The following HIBCH variants were observed in gnomAD, a reference collection of about 807,000 sequenced individuals.
HIBCH encodes 3-hydroxyisobutyryl-CoA hydrolase.
HIBCH carries 50 observed loss-of-function variants against 58.2 expected under a neutral mutation model. The ratio of observed to expected loss-of-function variants is 0.86; its 90% CI spans 0.68 to 1.09. The LOEUF is 1.09. Among genes scored for constraint, HIBCH ranks in the 50% least tolerant of loss-of-function variants. The pLI is 0.00. For missense variants in HIBCH, 450 were observed against 449.7 expected, an observed-to-expected ratio of 1.00 and a Z score of -0.01; for synonymous variants, 151 against 146.9, an observed-to-expected ratio of 1.03 and a Z score of -0.20.
Position 190,304,101 on chromosome 2 carries a change from G to A in HIBCH, c.78+6653C>T, listed in dbSNP as rs1688341262. Among the ~76,000 whole-genome samples, 1 of 152,074 alleles carries A rather than the reference G, an allele frequency of 6.6e-6. No homozygotes were observed. The highest frequency in any genetic ancestry group is 2.4e-5 in the African/African-American group (1 of 41,414). The stretch of plus-strand genomic sequence containing the variant: ...TAGAGGAAACTAAAAAGCATGACAA[G>A]TGAATGCAGTGTCATTGATTTCTGG... On this transcript the variant is annotated intron_variant, in intron 2 of 13. Transcript: ENST00000359678. The surrounding 1 kb of genome is among the most constrained non-coding windows in gnomAD (Gnocchi z 4.1).
chr2:190,203,739 A>G (rs6737846), downstream of HIBCH, among the ~76,000 whole-genome samples: 47,811 of 151,966 alleles, frequency 0.31, 8,704 homozygotes, highest in East Asian at 0.48. Flanking sequence ...AATGCTTCAC[A>G]TAAAACAGAT....
chr2:190,278,862 T>G (rs1476283639), intron 6 of HIBCH, among the ~76,000 whole-genome samples: 1 of 151,990 alleles, frequency 6.6e-6, no homozygotes, highest in African/African-American at 2.4e-5. Flanking sequence ...AATTCTAAAG[T>G]GCCAACAAGG....
chr2:190,199,940 C>T (rs946230684), downstream of HIBCH: 1 of 1,614,054 alleles, frequency 6.2e-7, no homozygotes, highest in Admixed American at 1.7e-5. Context: ...AGTGAAGAAC[C>T]CTTTATGCCA....
At chr2:190,198,324 G>A (rs1292133023) in intron 1 of HIBCH, among the ~76,000 whole-genome samples, 1 of 152,134 alleles carries the variant, frequency 6.6e-6, no homozygotes, top group Non-Finnish European at 1.5e-5. Flanking sequence ...TGAATTAGAT[G>A]CACGCAAGCT....
rs1688411181 is a variant in HIBCH at position 190,306,523 on chromosome 2, ATGCAATAT to A, written c.78+4223_78+4230del. 6.6e-6 allele frequency among the ~76,000 whole-genome samples: 1 copy of A among 152,188 alleles called. No homozygotes were observed. The highest frequency in any genetic ancestry group is 6.5e-5 in the Admixed American group (1 of 15,276). On this transcript the variant is annotated intron_variant, in intron 2 of 13. Coordinates refer to ENST00000359678, the MANE Select transcript of HIBCH (RefSeq NM_014362.4). This position sits in a 1 kb window ranked among gnomAD's most constrained non-coding sequence, Gnocchi z 4.6. ...CAAATTGCATGACAGTTGTACTGTCATGCAATATACTGCATATGCAGGCACTCATATAG... is the reference window on the plus strand; with the variant it reads ...CAAATTGCATGACAGTTGTACTGTCAACTGCATATGCAGGCACTCATATAG...
At chr2:190,250,839 C>T (rs547209811) in intron 8 of HIBCH, among the ~76,000 whole-genome samples, 2 of 152,320 alleles carry the variant, frequency 1.3e-5, no homozygotes, top group Admixed American at 6.5e-5. Flanking sequence ...AAAATTTCCA[C>T]AGCCAATTTA....
In HIBCH at chr2:190,279,130, G is replaced by A. The variant is rs1687637736; in HGVS notation, c.438+8456C>T. Among the ~76,000 whole-genome samples the A allele has an allele frequency of 6.6e-6, 1 of 152,222 alleles. No individual in the cohort carries two copies. Among genetic ancestry groups the A allele is most frequent in the African/African-American group, 2.4e-5 (1 of 41,456 alleles). ...GAGCCCTGATCTGGTGAAGGGGCAA[G>A]AGCATGCCAAACTGGCTTTTAAAAC... On this transcript the variant is annotated intron_variant, in intron 6 of 13. Coordinates refer to ENST00000359678, the MANE Select transcript of HIBCH (RefSeq NM_014362.4). The surrounding 1 kb of genome is among the most constrained non-coding windows in gnomAD (Gnocchi z 4.2).
rs559524742 is a variant in HIBCH at position 190,293,166 on chromosome 2, A to G, written c.304+1380T>C. Among the ~76,000 whole-genome samples, 1,027 of 152,360 alleles carry G rather than the reference A, an allele frequency of 6.7e-3. 12 individuals carry two copies. Among genetic ancestry groups the G allele is most frequent in the African/African-American group, 0.022 (933 of 41,578 alleles). On this transcript the variant is annotated intron_variant, in intron 4 of 13. Coordinates refer to ENST00000359678, the MANE Select transcript of HIBCH (RefSeq NM_014362.4). ...ACGATCACAGGCCAGACGAAAGGCT[A>G]ATTCAAGGCTGAAAAACAGTATTTT... is the stretch of plus-strand genomic sequence containing the variant.
In HIBCH at chr2:190,244,905, A is replaced by G; in HGVS notation, c.873T>C (p.Phe291=). ...ATATTACCTTCAATTGCTCTAGGGC[A>G]AAAGATGAACCATCTTGCTGTAAGT... The part of the protein sequence containing the change: ...IENLQQDGSS[F]ALEQLKVINK... The change falls in exon 11 of 14, where the codon TTT becomes TTC. Residue 291 remains phenylalanine, a synonymous_variant. Coordinates refer to ENST00000359678, the MANE Select transcript of HIBCH (RefSeq NM_014362.4). The G allele has an allele frequency of 6.2e-7, 1 of 1,610,486 alleles. No homozygotes were observed. Among genetic ancestry groups the G allele is most frequent in the Non-Finnish European group, 8.5e-7 (1 of 1,176,642 alleles).
intron 2 of HIBCH, among the ~76,000 whole-genome samples, chr2:190,300,198 G>A (rs1575759695): frequency 1.3e-5 from 2 of 152,172 alleles, no homozygotes; most frequent in Non-Finnish European, 2.9e-5. Flanking sequence ...TGGAACTGCT[G>A]GGTCGAATGA....
At chr2:190,259,465 C>A (rs1687027836) in intron 7 of HIBCH, among the ~76,000 whole-genome samples, 1 of 151,790 alleles carries the variant, frequency 6.6e-6, no homozygotes, top group African/African-American at 2.4e-5. Context: ...CTCAAGCCAT[C>A]CTTTTATCTC....
chr2:190,199,655 G>T, downstream of HIBCH: 1 of 1,295,738 alleles, frequency 7.7e-7, no homozygotes, highest in Non-Finnish European at 1.0e-6. Flanking sequence ...ACACTATTTT[G>T]CATTCTGTAA....
rs1687700906 is a variant in HIBCH, at chr2:190,281,407, T to A, written c.438+6179A>T. 6.6e-6 allele frequency among the ~76,000 whole-genome samples: 1 copy of A among 152,128 alleles called. No homozygotes were observed. Among genetic ancestry groups the A allele is most frequent in the Non-Finnish European group, 1.5e-5 (1 of 68,026 alleles). ...ACTGAGGAGCACTGTGCTGGAATTC[T>A]GGGAGCAGAGGCCCAAGCAGCCCCG... is the stretch of plus-strand genomic sequence containing the variant. On this transcript the variant is annotated intron_variant, in intron 6 of 13. Coordinates refer to ENST00000359678, the MANE Select transcript of HIBCH (RefSeq NM_014362.4). The surrounding 1 kb of genome is among the most constrained non-coding windows in gnomAD (Gnocchi z 5.4).
At position 190,227,223 on chromosome 2, in the gene HIBCH, A is replaced by C. The variant is rs573366682; in HGVS notation, c.892-14148T>G. 6.0e-3 allele frequency among the ~76,000 whole-genome samples: 912 copies of C among 152,352 alleles called. 5 individuals are homozygous for C. The highest frequency in any genetic ancestry group is 0.021 in the African/African-American group (864 of 41,578). ...CCCAAACAGCATGGTACTGGTACCA[A>C]AACAGAGATATAGACCAATGGAACA... On this transcript the variant is annotated intron_variant, in intron 11 of 13. Coordinates refer to ENST00000359678, the MANE Select transcript of HIBCH (RefSeq NM_014362.4).
rs188614066 is a variant in HIBCH, at chr2:190,274,554, C to T, written c.438+13032G>A. Among the ~76,000 whole-genome samples the T allele has an allele frequency of 6.6e-3, 1,004 of 152,248 alleles. 9 individuals are homozygous for T. The highest frequency in any genetic ancestry group is 0.034 in the Middle Eastern group (10 of 292). Reference sequence around the variant, plus strand: ...CTTTAAAACTTAATTTTCTATTATTCATTGTGTGTGGTGGGGGAATTTTCC... The same window carrying T: ...CTTTAAAACTTAATTTTCTATTATTTATTGTGTGTGGTGGGGGAATTTTCC... On this transcript the variant is annotated intron_variant, in intron 6 of 13. Transcript: ENST00000359678.
intron 11 of HIBCH, among the ~76,000 whole-genome samples, chr2:190,219,346 A>G (rs1296334223): frequency 1.3e-5 from 2 of 152,214 alleles, no homozygotes; most frequent in Admixed American, 6.5e-5. Context: ...TTTCCAAAAC[A>G]AAGTGCCCTG....
chr2:190,191,612 A>G (rs1320894043), intron 1 of HIBCH, among the ~76,000 whole-genome samples: 5 of 152,222 alleles, frequency 3.3e-5, no homozygotes, highest in African/African-American at 1.2e-4. Context: ...ATGAGAGTGC[A>G]GTTGCTCTGT....
chr2:190,263,348 G>A (rs1361951361), intron 6 of HIBCH, among the ~76,000 whole-genome samples: 1 of 152,144 alleles, frequency 6.6e-6, no homozygotes, highest in African/African-American at 2.4e-5. Context: ...TTTGACAGTT[G>A]CTCATTCCTA....
chr2:190,287,727 G>A (rs917424108), intron 5 of HIBCH, 89 bp from the exon 6 acceptor site: 2 of 898,366 alleles, frequency 2.2e-6, no homozygotes, highest in Non-Finnish European at 3.5e-6. Flanking sequence ...ATATACTCAA[G>A]ATTTTCCCTA....
Sources: allele counts gnomAD v4.1 joint callset (sites outside exome capture counted in the v4.1 genomes callset), GRCh38; gene constraint gnomAD v4.1.1; non-coding constraint Gnocchi (gnomAD v3.1); transcripts MANE v1.5; gene names NCBI Gene and HGNC (gene_info 2026-07-23, HGNC 2026-07-21).